NSG1: variants seen among roughly 807,000 people sequenced by gnomAD.
The protein encoded by NSG1 is neuronal vesicle trafficking-associated protein 1.
A neutral mutation model predicts 19.3 loss-of-function variants in NSG1; 9 were observed. The ratio of observed to expected loss-of-function variants is 0.47; its 90% CI spans 0.28 to 0.81. NSG1 has a LOEUF of 0.81. Among genes scored for constraint, NSG1 ranks in the 40% least tolerant of loss-of-function variants. The pLI, the probability that NSG1 is intolerant of heterozygous loss-of-function variation, is 0.11. For synonymous variants in NSG1, 104 were observed against 107.0 expected (o/e 0.97, Z 0.17); for missense variants, 236 against 242.4 (o/e 0.97, Z 0.18).
intron 1 of NSG1, 81 bp from the exon 2 acceptor site, chr4:4,387,523 C>T (rs975021803): frequency 4.2e-6 from 4 of 951,188 alleles, no homozygotes; most frequent in South Asian, 1.7e-5. Context: ...GCCGGGACGC[C>T]GGTGGGTGTG....
At chr4:4,412,144 C>T (rs958337044) in intron 4 of NSG1, among the ~76,000 whole-genome samples, 2 of 152,168 alleles carry the variant, frequency 1.3e-5, no homozygotes, top group East Asian at 3.9e-4. Context: ...GCATGTGGTC[C>T]ATCGTTGACC....
At chr4:4,394,536 A>G (rs1290121934) in intron 3 of NSG1, among the ~76,000 whole-genome samples, 1 of 152,048 alleles carries the variant, frequency 6.6e-6, no homozygotes, top group African/African-American at 2.4e-5. Flanking sequence ...TTCCAAGCAT[A>G]GGCCCCCTCG....
chr4:4,400,469 T>A (rs1723491620), intron 3 of NSG1, among the ~76,000 whole-genome samples: 1 of 152,240 alleles, frequency 6.6e-6, no homozygotes, highest in Non-Finnish European at 1.5e-5. Flanking sequence ...AATTTCCATT[T>A]TCGGCAAACA....
intron 4 of NSG1, chr4:4,416,171 TGA>T (rs1360083798): frequency 2.8e-6 from 2 of 702,342 alleles, no homozygotes; most frequent in Non-Finnish European, 5.2e-6. Context: ...GACCTGAGAT[TGA>T]GAGAGAAAAC....
intron 2 of NSG1, among the ~76,000 whole-genome samples, chr4:4,388,046 C>G (rs963069929): frequency 2.0e-5 from 3 of 152,376 alleles, no homozygotes; most frequent in Admixed American, 1.3e-4. Context: ...CGAGAGGGCC[C>G]TGGCCCCGCA....
Position 4,406,919 on chromosome 4 carries a change from C to G in NSG1, c.247-2654C>G, listed in dbSNP as rs563757546. Among the ~76,000 whole-genome samples the G allele has an allele frequency of 6.2e-4, 95 of 152,366 alleles. 2 individuals are homozygous for G. The highest frequency in any genetic ancestry group is 7.9e-4 in the Non-Finnish European group (54 of 68,038). On this transcript the variant is annotated intron_variant, in intron 3 of 4. Coordinates refer to ENST00000621129, the MANE Select transcript of NSG1 (RefSeq NM_014392.5). ...CACTGCCTCTGGCTGCCACGTGCCTCAGACGGCTGCGCCTTCTTTCTCCGG... is the reference window on the plus strand; with the variant it reads ...CACTGCCTCTGGCTGCCACGTGCCTGAGACGGCTGCGCCTTCTTTCTCCGG...
At chr4:4,396,544 GC>G (rs1212459750) in intron 3 of NSG1, among the ~76,000 whole-genome samples, 7 of 152,218 alleles carry the variant, frequency 4.6e-5, no homozygotes, top group Admixed American at 4.6e-4. Context: ...TGGCAGGAGA[GC>G]CCTCGTTAGT....
intron 3 of NSG1, among the ~76,000 whole-genome samples, chr4:4,405,399 C>G (rs1577289788): frequency 6.6e-6 from 1 of 152,306 alleles, no homozygotes; most frequent in African/African-American, 2.4e-5. Flanking sequence ...ACTTCAGCAT[C>G]TCTTTTTGAG....
At chr4:4,396,932 C>T (rs759480546) in intron 3 of NSG1, among the ~76,000 whole-genome samples, 1 of 152,100 alleles carries the variant, frequency 6.6e-6, no homozygotes, top group African/African-American at 2.4e-5. Context: ...TTTAGCTATG[C>T]GAGCATCTTG....
At chr4:4,405,163 C>G (rs969953122) in intron 3 of NSG1, among the ~76,000 whole-genome samples, 2 of 152,200 alleles carry the variant, frequency 1.3e-5, no homozygotes, top group African/African-American at 4.8e-5. Context: ...CCTTGCCCCT[C>G]CTAGTTCCTG....
chr4:4,387,854 C>A, intron 2 of NSG1, 96 bp downstream of exon 2: 1 of 1,053,098 alleles, frequency 9.5e-7, no homozygotes. Flanking sequence ...GCGCTGGGTA[C>A]GCGAAGTGGG....
intron 4 of NSG1, among the ~76,000 whole-genome samples, chr4:4,411,234 A>G (rs1054513592): frequency 1.3e-5 from 2 of 152,312 alleles, no homozygotes; most frequent in East Asian, 1.9e-4. Context: ...GCACAACTGT[A>G]TATTATTTTT....
chr4:4,388,740 T>A (rs1722859957), intron 2 of NSG1, among the ~76,000 whole-genome samples: 1 of 152,060 alleles, frequency 6.6e-6, no homozygotes, highest in East Asian at 1.9e-4. Flanking sequence ...GGGGTGGGTG[T>A]TGTGGGGTGG....
chr4:4,416,751 C>T (rs1216183569), intron 4 of NSG1, among the ~76,000 whole-genome samples: 2 of 152,130 alleles, frequency 1.3e-5, no homozygotes, highest in Admixed American at 6.5e-5. Flanking sequence ...TTCTGACTCC[C>T]GCCCCAAGGC....
chr4:4,388,393 C>T (rs1056239459), intron 2 of NSG1, among the ~76,000 whole-genome samples: 4 of 152,242 alleles, frequency 2.6e-5, no homozygotes, highest in African/African-American at 9.6e-5. Context: ...ATTCATCAAC[C>T]TTTCCCCAAA....
intron 4 of NSG1, chr4:4,415,775 G>A (rs1438863638): frequency 1.4e-5 from 4 of 292,812 alleles, no homozygotes; most frequent in South Asian, 3.8e-5. Flanking sequence ...GCTGGGTGCC[G>A]AGGTGGGAGG....
chr4:4,388,668 C>T (rs967539436), intron 2 of NSG1, among the ~76,000 whole-genome samples: 1 of 152,078 alleles, frequency 6.6e-6, no homozygotes, highest in Non-Finnish European at 1.5e-5. Context: ...TCATTTAGTC[C>T]CTGGTGAAGG....
chr4:4,392,322 TGA>T (rs751825427), intron 3 of NSG1, among the ~76,000 whole-genome samples: 40 of 151,554 alleles, frequency 2.6e-4, no homozygotes, highest in African/African-American at 5.1e-4. Flanking sequence ...TTGGGAAACA[TGA>T]GAGAGAGAGA....
intron 3 of NSG1, among the ~76,000 whole-genome samples, chr4:4,406,522 C>T (rs1212285483): frequency 4.6e-5 from 7 of 152,120 alleles, no homozygotes; most frequent in African/African-American, 1.7e-4. Flanking sequence ...AGCTGGAGCC[C>T]GGGCAGGCTG....
Sources: allele counts gnomAD v4.1 joint callset (sites outside exome capture counted in the v4.1 genomes callset), GRCh38; gene constraint gnomAD v4.1.1; transcripts MANE v1.5; gene names NCBI Gene and HGNC (gene_info 2026-07-23, HGNC 2026-07-21).